The following TNN variants were observed in gnomAD, a reference collection of about 807,000 sequenced individuals.
TNN encodes the protein tenascin N.
A neutral mutation model predicts 134.4 loss-of-function variants in TNN; 122 were observed. The ratio of observed to expected loss-of-function variants is 0.91; its 90% CI spans 0.78 to 1.06. The LOEUF is 1.06. Among genes scored for constraint, TNN ranks in the 50% least tolerant of loss-of-function variants. The pLI, the probability that TNN is intolerant of heterozygous loss-of-function variation, is 0.00. For missense variants in TNN, 1,739 were observed against 1,699.4 expected, an observed-to-expected ratio of 1.02 and a Z score of -0.41; for synonymous variants, 710 against 670.3, an observed-to-expected ratio of 1.06 and a Z score of -0.91.
intron 2 of TNN, among the ~76,000 whole-genome samples, chr1:175,079,105 C>A (rs1674124426): frequency 6.6e-6 from 1 of 152,180 alleles, no homozygotes; most frequent in Admixed American, 6.5e-5. Context: ...GAGACGTTTG[C>A]AGATGTCACA....
Position 175,080,347 on chromosome 1 carries a change from T to G in TNN, c.969T>G (p.Pro323=). 1 of 1,614,126 alleles carries G rather than the reference T, an allele frequency of 6.2e-7. No individual in the cohort carries two copies. The highest frequency in any genetic ancestry group is 8.5e-7 in the Non-Finnish European group (1 of 1,180,014). The part of the protein sequence containing the change: ...QHSYEILGLL[P]GTKYIVTLRN... ...GCTATGAGATTCTTGGTTTGCTGCC[T>G]GGAACCAAGTACATAGTCACCCTGC... The change falls in exon 4 of 19, where the codon CCT becomes CCG. Residue 323 remains proline, a synonymous_variant. Transcript: ENST00000239462.
intron 9 of TNN, among the ~76,000 whole-genome samples, chr1:175,104,040 C>T (rs2149434948): frequency 6.8e-6 from 1 of 146,072 alleles, no homozygotes; most frequent in African/African-American, 2.5e-5. Context: ...CCAGCCTTGG[C>T]TAATATATCC....
At chr1:175,080,987 A>G (rs1674187797) in intron 4 of TNN, among the ~76,000 whole-genome samples, 1 of 152,140 alleles carries the variant, frequency 6.6e-6, no homozygotes, top group Non-Finnish European at 1.5e-5. Flanking sequence ...ACCCAGAGAG[A>G]GCTGTAGAAA....
intron 9 of TNN, among the ~76,000 whole-genome samples, chr1:175,115,523 A>G (rs1675144938): frequency 6.6e-6 from 1 of 152,110 alleles, no homozygotes; most frequent in Admixed American, 6.5e-5. Flanking sequence ...CCCATGGGGA[A>G]AGGTGTAACA....
In TNN at chr1:175,067,926, A is replaced by C. The variant is rs1413806984; in HGVS notation, c.-45A>C. On this transcript the variant is annotated 5_prime_UTR_variant, in exon 1 of 19. Transcript: ENST00000239462. Reference sequence around the variant, plus strand: ...AGCAGCATTGGAAGAGGCACCCAGCAGCCTCCCAGGTAAGAGTGCCAGTTG... The same window carrying C: ...AGCAGCATTGGAAGAGGCACCCAGCCGCCTCCCAGGTAAGAGTGCCAGTTG... 6.2e-6 allele frequency: 3 copies of C among 482,258 alleles called. No individual in the cohort carries two copies. Among genetic ancestry groups the C allele is most frequent in the South Asian group, 4.5e-5 (3 of 66,086 alleles). 29.9% of individuals were successfully genotyped at this position (482,258 alleles called of 1,614,324 possible).
Position 175,077,457 on chromosome 1 carries a change from C to T in TNN, c.39C>T (p.Leu13=). The change falls in exon 2 of 19, where the codon CTC becomes CTT. Residue 13 remains leucine, a synonymous_variant. Coordinates refer to ENST00000239462, the MANE Select transcript of TNN (RefSeq NM_022093.2). The stretch of plus-strand genomic sequence containing the variant: ...AGATGTTCCGCTTCCCTATGGGGCT[C>T]CTGCTTGGCTCTGTGCTCCTGGTGG... ...LQEMFRFPMG[L]LLGSVLLVAS... The T allele has an allele frequency of 6.2e-7, 1 of 1,613,896 alleles. No homozygotes were observed.
At chr1:175,135,578 A>G (rs887145768) in intron 15 of TNN, among the ~76,000 whole-genome samples, 1 of 152,230 alleles carries the variant, frequency 6.6e-6, no homozygotes, top group South Asian at 2.1e-4. Context: ...GAATCACACA[A>G]CTAATGGAAA....
chr1:175,086,829 G>A (rs1482819459), intron 6 of TNN, among the ~76,000 whole-genome samples: 2 of 152,216 alleles, frequency 1.3e-5, no homozygotes, highest in South Asian at 2.1e-4. Context: ...TTAGAAAATG[G>A]TAAGTACTTC....
chr1:175,083,610 C>A, intron 4 of TNN, 140 bp from the exon 5 acceptor site: 1 of 716,058 alleles, frequency 1.4e-6, no homozygotes, highest in East Asian at 2.7e-5. Context: ...AAGACACCTG[C>A]TAAGAACTGT....
intron 12 of TNN, among the ~76,000 whole-genome samples, chr1:175,124,207 G>C (rs1048261578): frequency 6.6e-6 from 1 of 152,218 alleles, no homozygotes; most frequent in African/African-American, 2.4e-5. Flanking sequence ...GTACGGGCAA[G>C]GTCTGTCCAT....
chr1:175,145,851 C>T (rs939470205), intron 18 of TNN, among the ~76,000 whole-genome samples: 3 of 152,156 alleles, frequency 2.0e-5, no homozygotes, highest in African/African-American at 7.2e-5. Context: ...TGCTCCCTCA[C>T]AGTTTCTTGA....
rs1335209975 is a variant in TNN, at chr1:175,109,113, G to A, written c.2120-7826G>A. ...TTTTTTTTTTTTGAGACGGAGTCTC[G>A]CTCTGTCGCCCAGGCCGGACTGCGG... On this transcript the variant is annotated intron_variant, in intron 9 of 18. Coordinates refer to ENST00000239462, the MANE Select transcript of TNN (RefSeq NM_022093.2). Among the ~76,000 whole-genome samples the A allele has an allele frequency of 8.5e-5, 6 of 70,236 alleles. No individual in the cohort carries two copies. The East Asian group carries it at 1.5e-3, about 17-fold the overall frequency. The allele number at this position is 70,236 out of a possible 152,430, so 46.1% of individuals were successfully genotyped here. A position where few individuals can be genotyped will look rare whatever the true frequency, so the allele number is the denominator to read the frequency against.
chr1:175,100,694 A>T (rs1020007524), intron 9 of TNN, among the ~76,000 whole-genome samples: 2 of 91,246 alleles, frequency 2.2e-5, no homozygotes, highest in African/African-American at 1.7e-4. Flanking sequence ...GGACAAAGAA[A>T]TGCTAGTTTT....
chr1:175,089,578 T>C (rs1674394961), intron 6 of TNN, among the ~76,000 whole-genome samples: 1 of 152,228 alleles, frequency 6.6e-6, no homozygotes, highest in South Asian at 2.1e-4. Flanking sequence ...GGTGATGTCA[T>C]TCTTTTGTCC....
At chr1:175,076,471 C>A (rs777323478) in intron 1 of TNN, among the ~76,000 whole-genome samples, 1 of 152,192 alleles carries the variant, frequency 6.6e-6, no homozygotes, top group South Asian at 2.1e-4. Flanking sequence ...ACCAGGTCAA[C>A]GCTCAAGAGA....
chr1:175,090,081 A>G (rs1309497351), intron 6 of TNN, among the ~76,000 whole-genome samples: 2 of 152,196 alleles, frequency 1.3e-5, no homozygotes, highest in East Asian at 3.8e-4. Context: ...TGTAAATATT[A>G]TCTCTGGTCC....
intron 17 of TNN, among the ~76,000 whole-genome samples, chr1:175,140,386 C>T (rs1675917713): frequency 6.6e-6 from 1 of 152,200 alleles, no homozygotes; most frequent in Admixed American, 6.5e-5. Context: ...GGCCCGTGTG[C>T]CCCACATCTC....
chr1:175,118,487 A>T, intron 10 of TNN, 74 bp from the exon 11 acceptor site: 1 of 1,566,402 alleles, frequency 6.4e-7, no homozygotes, highest in African/African-American at 1.4e-5. Flanking sequence ...GTTTCACCCC[A>T]CGCAAAATGA....
At chr1:175,091,559 T>TATTTTTA (rs1558353471) in intron 6 of TNN, among the ~76,000 whole-genome samples, 1,689 of 141,662 alleles carry the variant, frequency 0.012, 14 homozygotes, top group African/African-American at 0.023. Context: ...TATTTATTAT[T>TATTTTTA]TTTATTTATT....
Sources: allele counts gnomAD v4.1 joint callset (sites outside exome capture counted in the v4.1 genomes callset), GRCh38; gene constraint gnomAD v4.1.1; transcripts MANE v1.5; gene names NCBI Gene and HGNC (gene_info 2026-07-23, HGNC 2026-07-21).